Variants in SYTL5 observed in about 807,000 individuals in gnomAD.
SYTL5 encodes the protein synaptotagmin-like protein 5.
A neutral mutation model predicts 55.9 loss-of-function variants in SYTL5; 34 were observed. The observed-to-expected ratio is 0.61, with a 90% CI of 0.46 to 0.81. The LOEUF (loss-of-function observed/expected upper bound fraction) is 0.81. Among genes scored for constraint, SYTL5 ranks in the 30% least tolerant of loss-of-function variants. The pLI, the probability that SYTL5 is intolerant of heterozygous loss-of-function variation, is 0.00. For missense variants in SYTL5, 637 were observed against 546.7 expected, an observed-to-expected ratio of 1.17 and a Z score of -1.65; for synonymous variants, 221 against 188.7, an observed-to-expected ratio of 1.17 and a Z score of -1.40.
chrX:37,892,875 T>C, the SYTL5 span, among the ~76,000 whole-genome samples: 2 of 82,542 alleles, frequency 2.4e-5, no homozygotes, highest in Admixed American at 3.1e-4. Flanking sequence ...ACTATATATG[T>C]ATATATAACA....
rs754092903 is a variant in SYTL5, at chrX:38,125,286, T to A, written c.1842-12T>A. 1 of 1,204,982 alleles carries A rather than the reference T, an allele frequency of 8.3e-7. No individual in the cohort carries two copies. Among genetic ancestry groups the A allele is most frequent in the East Asian group, 3.0e-5 (1 of 33,820 alleles). On this transcript the variant is annotated splice_polypyrimidine_tract_variant and intron_variant, in intron 15 of 16. Coordinates refer to ENST00000297875, the MANE Select transcript of SYTL5 (RefSeq NM_138780.3). Reference sequence around the variant, plus strand: ...TGTCTTATTGATGATTTGATTGTTTTTTCTCATGCAGCTACCTGCTCCCTG... The same window carrying A: ...TGTCTTATTGATGATTTGATTGTTTATTCTCATGCAGCTACCTGCTCCCTG...
chrX:37,990,749 C>T, the SYTL5 span: 1 of 1,098,365 alleles, frequency 9.1e-7, no homozygotes, highest in Middle Eastern at 2.5e-4. Flanking sequence ...CAGAGGGATA[C>T]AATAGGCAGG....
intron 2 of SYTL5, 85 bp downstream of exon 2, chrX:38,034,093 A>C: frequency 2.1e-6 from 1 of 475,007 alleles, no homozygotes; most frequent in Non-Finnish European, 3.5e-6. Context: ...GCCAAGTGCA[A>C]CCACAATGGG....
At chrX:37,939,269 GAAAA>G in the SYTL5 span, among the ~76,000 whole-genome samples, 2 of 99,452 alleles carry the variant, frequency 2.0e-5, no homozygotes, top group African/African-American at 3.6e-5. Context: ...AAAAAAAAAA[GAAAA>G]AAAAAGAAAA....
the SYTL5 span, among the ~76,000 whole-genome samples, chrX:37,944,659 T>C: frequency 3.6e-5 from 4 of 111,960 alleles, no homozygotes; most frequent in Non-Finnish European, 7.5e-5. Context: ...AGACAATCCT[T>C]AGCCAATGGT....
the SYTL5 span, among the ~76,000 whole-genome samples, chrX:37,894,451 T>A: frequency 8.9e-6 from 1 of 111,798 alleles, no homozygotes; most frequent in Non-Finnish European, 1.9e-5. Flanking sequence ...ATATATTTTT[T>A]AAATAAGATG....
the SYTL5 span, among the ~76,000 whole-genome samples, chrX:37,893,685 ACTATAGATT>A: frequency 1.5e-5 from 1 of 67,616 alleles, no homozygotes; most frequent in African/African-American, 8.1e-5. Context: ...CTATAGATAA[ACTATAGATT>A]ATATATAATC....
intron 3 of SYTL5, among the ~76,000 whole-genome samples, chrX:38,060,747 G>A (rs1349047986): frequency 1.8e-5 from 2 of 112,127 alleles, no homozygotes; most frequent in South Asian, 3.7e-4. Flanking sequence ...TAACTGTCAC[G>A]TAAAGATGTA....
chrX:37,978,533 C>G, the SYTL5 span, among the ~76,000 whole-genome samples: 2 of 111,974 alleles, frequency 1.8e-5, no homozygotes, highest in African/African-American at 6.5e-5. Context: ...AATAAAGCCC[C>G]TCTGTGAATC....
intron 6 of SYTL5, among the ~76,000 whole-genome samples, chrX:38,082,953 T>G (rs1245046987): frequency 1.8e-5 from 2 of 112,351 alleles, no homozygotes; most frequent in Admixed American, 1.9e-4. Flanking sequence ...CCTTAATACC[T>G]ATCTTCTTAT....
At chrX:38,117,037 T>C (rs982281211) in intron 13 of SYTL5, among the ~76,000 whole-genome samples, 1 of 112,325 alleles carries the variant, frequency 8.9e-6, no homozygotes, top group African/African-American at 3.2e-5. Flanking sequence ...CTTATAAAAA[T>C]GTAAGCATTC....
At chrX:38,027,404 C>T (rs1242874168) in intron 1 of SYTL5, among the ~76,000 whole-genome samples, 1 of 111,757 alleles carries the variant, frequency 8.9e-6, no homozygotes, top group Non-Finnish European at 1.9e-5. Flanking sequence ...TTACATTACA[C>T]AGCCCTTTTG....
chrX:37,910,575 T>TA, the SYTL5 span, among the ~76,000 whole-genome samples: 2 of 112,341 alleles, frequency 1.8e-5, no homozygotes, highest in Non-Finnish European at 3.8e-5. Flanking sequence ...TCTAATCCAA[T>TA]AAGTCTAGGT....
At chrX:37,958,190 C>A in the SYTL5 span, among the ~76,000 whole-genome samples, 15 of 103,740 alleles carry the variant, frequency 1.4e-4, no homozygotes, top group Admixed American at 2.1e-4. Context: ...ACCTGGGCAA[C>A]AGAATGAGAC....
chrX:38,114,452 C>T (rs891283490), intron 13 of SYTL5, among the ~76,000 whole-genome samples: 2 of 111,906 alleles, frequency 1.8e-5, no homozygotes, highest in African/African-American at 6.5e-5. Flanking sequence ...CCTCTTGCCC[C>T]AGAAATTACA....
intron 3 of SYTL5, among the ~76,000 whole-genome samples, chrX:38,058,329 A>G (rs1367933087): frequency 9.0e-6 from 1 of 111,071 alleles, no homozygotes; most frequent in Non-Finnish European, 1.9e-5. Context: ...ATAATTGTGG[A>G]TTTCTTATTT....
At chrX:38,100,692 GGT>G (rs1937061226) in intron 9 of SYTL5, among the ~76,000 whole-genome samples, 1 of 111,067 alleles carries the variant, frequency 9.0e-6, no homozygotes, top group African/African-American at 3.3e-5. Flanking sequence ...ATATACTACT[GGT>G]TAGACTGTAA....
chrX:38,098,644 T>C lies in SYTL5; in HGVS notation c.1062+2410T>C, dbSNP rs150016608. Among the ~76,000 whole-genome samples, 383 of 110,909 alleles carry C rather than the reference T, an allele frequency of 3.5e-3. 6 individuals carry two copies. In the East Asian group the frequency reaches 0.092, roughly 27 times the overall value. On this transcript the variant is annotated intron_variant, in intron 9 of 16. Coordinates refer to ENST00000297875, the MANE Select transcript of SYTL5 (RefSeq NM_138780.3). ...CATTCCGTAAAAGAGTTTGGCAATT[T>C]CTTTAAAAGTTAAACATAAATTTAC... is the stretch of plus-strand genomic sequence containing the variant.
At chrX:38,002,503 T>A (rs998485393), upstream of SYTL5, among the ~76,000 whole-genome samples, 1 of 111,914 alleles carries the variant, frequency 8.9e-6, no homozygotes, top group African/African-American at 3.3e-5. Flanking sequence ...TGTTCCTATT[T>A]CTCCACATCC....
Sources: gnomAD v4.1 joint callset for allele counts (sites outside exome capture counted in the v4.1 genomes callset) on GRCh38, gnomAD v4.1.1 for gene constraint, MANE v1.5 for transcripts, NCBI Gene and HGNC (gene_info 2026-07-23, HGNC 2026-07-21) for gene names.